NLGN1: variants seen among roughly 807,000 people sequenced by gnomAD.
NLGN1 encodes neuroligin 1, also known as neuroligin-1.
NLGN1 carries 12 observed loss-of-function variants against 65.5 expected under a neutral mutation model. The observed-to-expected ratio is 0.18, with a 90% confidence interval of 0.12 to 0.30. NLGN1 has a LOEUF of 0.30. NLGN1 is among the 10% of genes least tolerant of loss of function. The pLI, the probability that NLGN1 is intolerant of heterozygous loss-of-function variation, is 1.00. For missense variants in NLGN1, 750 were observed against 1,007.1 expected (o/e 0.74, Z 3.46); for synonymous variants, 350 against 359.5 (o/e 0.97, Z 0.30).
chr3:173,950,647 T>A (rs868129033), intron 4 of NLGN1, among the ~76,000 whole-genome samples: 4 of 151,938 alleles, frequency 2.6e-5, no homozygotes, highest in Middle Eastern at 3.2e-3. Flanking sequence ...ACCCTGTCTC[T>A]ACTAAAAATA....
chr3:174,260,879 A>T (rs1280112893), intron 4 of NLGN1, among the ~76,000 whole-genome samples: 2 of 147,660 alleles, frequency 1.4e-5, no homozygotes, highest in Non-Finnish European at 3.0e-5. Flanking sequence ...TAAGGAAGGG[A>T]TCCAGTTTCA....
chr3:174,196,255 T>G (rs566807348), intron 4 of NLGN1, among the ~76,000 whole-genome samples: 1 of 152,310 alleles, frequency 6.6e-6, no homozygotes, highest in African/African-American at 2.4e-5. Flanking sequence ...CCTCAGAAAC[T>G]GACATAAATT....
At chr3:173,495,804 A>T (rs763537726) in intron 2 of NLGN1, among the ~76,000 whole-genome samples, 1 of 151,372 alleles carries the variant, frequency 6.6e-6, no homozygotes, top group Non-Finnish European at 1.5e-5. Flanking sequence ...CTTGTACCCC[A>T]TACCAGTAAA....
chr3:174,254,306 A>ATTT (rs371427726), intron 4 of NLGN1, among the ~76,000 whole-genome samples: 2,330 of 113,636 alleles, frequency 0.021, 72 homozygotes, highest in African/African-American at 0.072. Flanking sequence ...GTCCTTTTTA[A>ATTT]TTTTTTTTTT....
chr3:174,268,794 G>A (rs992451400), intron 4 of NLGN1, among the ~76,000 whole-genome samples: 16 of 151,846 alleles, frequency 1.1e-4, no homozygotes, highest in African/African-American at 2.4e-4. Context: ...TCCAGCTGTC[G>A]GTAATCAGAA....
intron 2 of NLGN1, among the ~76,000 whole-genome samples, chr3:173,591,758 C>T (rs1005980857): frequency 6.6e-6 from 1 of 152,160 alleles, no homozygotes; most frequent in Admixed American, 6.6e-5. Context: ...GCATGAGCAA[C>T]TCACTACACA....
At chr3:173,732,533 GGTAGTT>G (rs1773017266) in intron 3 of NLGN1, among the ~76,000 whole-genome samples, 1 of 152,016 alleles carries the variant, frequency 6.6e-6, no homozygotes, top group Non-Finnish European at 1.5e-5. Context: ...GTTCGGGGTG[GGTAGTT>G]GCAGTTTCAT....
At chr3:173,517,803 A>ATCTATCTATCG (rs1734093786) in intron 2 of NLGN1, among the ~76,000 whole-genome samples, 2 of 99,722 alleles carry the variant, frequency 2.0e-5, no homozygotes, top group African/African-American at 7.0e-5. Flanking sequence ...TCTATCTATC[A>ATCTATCTATCG]TATCTATCTG....
chr3:173,706,784 T>C (rs1768108440), intron 3 of NLGN1, among the ~76,000 whole-genome samples: 1 of 152,216 alleles, frequency 6.6e-6, no homozygotes, highest in Non-Finnish European at 1.5e-5. Context: ...CACATAGATA[T>C]AGATTTGGAC....
chr3:174,257,331 T>C (rs994691543), intron 4 of NLGN1, among the ~76,000 whole-genome samples: 1 of 152,150 alleles, frequency 6.6e-6, no homozygotes, highest in Admixed American at 6.6e-5. Flanking sequence ...GTTTAATAAT[T>C]GTGAAAGAGA....
At chr3:173,936,175 C>T (rs1579286612) in intron 4 of NLGN1, among the ~76,000 whole-genome samples, 3 of 151,036 alleles carry the variant, frequency 2.0e-5, no homozygotes, top group Admixed American at 2.0e-4. Context: ...TGGTTGGTTT[C>T]TGTATTGTGT....
At chr3:174,141,386 G>T (rs538340952) in intron 4 of NLGN1, among the ~76,000 whole-genome samples, 48 of 151,398 alleles carry the variant, frequency 3.2e-4, no homozygotes, top group African/African-American at 1.1e-3. Flanking sequence ...AATTCAAAAT[G>T]TCTCATGTGA....
At chr3:174,039,721 A>G (rs1731886647) in intron 4 of NLGN1, among the ~76,000 whole-genome samples, 1 of 152,166 alleles carries the variant, frequency 6.6e-6, no homozygotes, top group South Asian at 2.1e-4. Context: ...TCCAGGGCCA[A>G]AGAAGTCAGG....
chr3:173,950,621 T>A (rs1748007056), intron 4 of NLGN1, among the ~76,000 whole-genome samples: 1 of 152,004 alleles, frequency 6.6e-6, no homozygotes, highest in Non-Finnish European at 1.5e-5. Flanking sequence ...AAGAACAGCC[T>A]GGCCAATGTG....
At chr3:173,996,413 G>A (rs1722290295) in intron 4 of NLGN1, among the ~76,000 whole-genome samples, 1 of 152,158 alleles carries the variant, frequency 6.6e-6, no homozygotes, top group Non-Finnish European at 1.5e-5. Context: ...GTCTGGAGTG[G>A]AGCCTCAAGA....
At chr3:174,137,899 A>G (rs1577055993) in intron 4 of NLGN1, among the ~76,000 whole-genome samples, 1 of 152,156 alleles carries the variant, frequency 6.6e-6, no homozygotes, top group African/African-American at 2.4e-5. Context: ...TGGTGCCTAA[A>G]CTGTTCTAGA....
intron 4 of NLGN1, among the ~76,000 whole-genome samples, chr3:174,069,480 A>C (rs905368101): frequency 6.6e-6 from 1 of 152,184 alleles, no homozygotes; most frequent in African/African-American, 2.4e-5. Context: ...TAAGGAAAGG[A>C]ATGTCCTAGG....
intron 4 of NLGN1, among the ~76,000 whole-genome samples, chr3:174,078,022 T>A (rs1488373062): frequency 6.6e-6 from 1 of 152,140 alleles, no homozygotes; most frequent in Non-Finnish European, 1.5e-5. Context: ...CAGTGAAATA[T>A]GTATCTATAT....
chr3:173,912,645 C>G (rs1283421241), intron 4 of NLGN1: 1 of 151,984 alleles, frequency 6.6e-6, no homozygotes, highest in African/African-American at 2.4e-5. Context: ...AGTTAGTAAA[C>G]TGTATAAATG....
Sources: allele counts gnomAD v4.1 joint callset (sites outside exome capture counted in the v4.1 genomes callset), GRCh38; gene constraint gnomAD v4.1.1; transcripts MANE v1.5; gene names NCBI Gene and HGNC (gene_info 2026-07-23, HGNC 2026-07-21).